The following PPP3CA variants were observed in gnomAD, a reference collection of about 807,000 sequenced individuals.
PPP3CA encodes the protein CAM-PRP catalytic subunit.
PPP3CA carries 14 observed loss-of-function variants against 66.5 expected under a neutral mutation model. The observed-to-expected ratio is 0.21, with a 90% CI of 0.14 to 0.33. The LOEUF (loss-of-function observed/expected upper bound fraction) is 0.33, where lower values mean the gene tolerates loss of function less well. Ranked by LOEUF, PPP3CA falls within the 10% of genes least tolerant of loss-of-function variation. The pLI, the probability that PPP3CA is intolerant of heterozygous loss-of-function variation, is 1.00. For synonymous variants in PPP3CA, 232 were observed against 226.2 expected (o/e 1.03, Z -0.23); for missense variants, 317 against 639.5 (o/e 0.50, Z 5.44).
chr4:101,108,860 G>T, intron 3 of PPP3CA, 94 bp downstream of exon 3: 2 of 1,214,002 alleles, frequency 1.6e-6, no homozygotes, highest in South Asian at 1.5e-5. Context: ...CATTGTTAGA[G>T]GTTTCCATAA....
At chr4:101,270,315 C>T (rs188665582) in intron 1 of PPP3CA, among the ~76,000 whole-genome samples, 2 of 152,020 alleles carry the variant, frequency 1.3e-5, no homozygotes, top group Non-Finnish European at 2.9e-5. Flanking sequence ...ATATGTGTCT[C>T]AATCTATTAC....
intron 8 of PPP3CA, among the ~76,000 whole-genome samples, chr4:101,073,825 A>T (rs1002367219): frequency 6.6e-6 from 1 of 152,210 alleles, no homozygotes; most frequent in African/African-American, 2.4e-5. Context: ...AAACAAAAAT[A>T]AAAAAGTAAA....
intron 1 of PPP3CA, among the ~76,000 whole-genome samples, chr4:101,309,782 C>A (rs772744028): frequency 2.6e-5 from 4 of 152,138 alleles, no homozygotes; most frequent in Non-Finnish European, 4.4e-5. Context: ...AGACACTGTT[C>A]TCTAACGTGT....
At chr4:101,178,339 A>G (rs1236019252) in intron 2 of PPP3CA, among the ~76,000 whole-genome samples, 1 of 152,152 alleles carries the variant, frequency 6.6e-6, no homozygotes, top group Non-Finnish European at 1.5e-5. Context: ...TTTATTTGTC[A>G]GTAGCATGAT....
Position 101,032,319 on chromosome 4 carries a change from A to C in PPP3CA, c.1287T>G (p.Thr429=). The C allele has an allele frequency of 6.2e-7, 1 of 1,612,680 alleles. No homozygotes were observed. Among genetic ancestry groups the C allele is most frequent in the African/African-American group, 1.3e-5 (1 of 74,982 alleles). ...SVLTLKGLTP[T]GMLPSGVLSG... is the part of the protein sequence containing the mutation. ...AAAGTACTCCGCTGGGGAGCATGCC[A>C]GTTGGGGTCAAGCCTTTCAGCGTCA... Residue 429 remains threonine (T), a synonymous_variant, in exon 12 of 14, where the codon ACT becomes ACG. Transcript: ENST00000394854.
chr4:101,098,036 A>G (rs1231142912), intron 5 of PPP3CA, among the ~76,000 whole-genome samples: 3 of 152,248 alleles, frequency 2.0e-5, no homozygotes, highest in Non-Finnish European at 2.9e-5. Context: ...CATTTCTAGC[A>G]TAACACATCA....
intron 2 of PPP3CA, among the ~76,000 whole-genome samples, chr4:101,140,189 A>G (rs1295281629): frequency 6.6e-6 from 1 of 152,216 alleles, no homozygotes; most frequent in East Asian, 1.9e-4. Flanking sequence ...CCTAAAGGAG[A>G]TTACTTGTGA....
At chr4:101,191,975 T>A (rs1268558864) in intron 2 of PPP3CA, among the ~76,000 whole-genome samples, 2 of 152,166 alleles carry the variant, frequency 1.3e-5, no homozygotes, top group Non-Finnish European at 2.9e-5. Flanking sequence ...CTATCCCCTC[T>A]GCCCAGAGAG....
chr4:101,161,307 A>G (rs1298370676), intron 2 of PPP3CA, among the ~76,000 whole-genome samples: 1 of 152,196 alleles, frequency 6.6e-6, no homozygotes, highest in Non-Finnish European at 1.5e-5. Context: ...GTTGTTAAGC[A>G]AAGTGTGACT....
chr4:101,193,605 A>T (rs925181542), intron 2 of PPP3CA, among the ~76,000 whole-genome samples: 2 of 151,968 alleles, frequency 1.3e-5, no homozygotes, highest in Non-Finnish European at 2.9e-5. Context: ...GCAAGTCCAC[A>T]CTCCTTTACT....
chr4:101,346,508 C>A (rs900383816), intron 1 of PPP3CA, among the ~76,000 whole-genome samples: 2 of 152,070 alleles, frequency 1.3e-5, no homozygotes, highest in South Asian at 4.1e-4. Context: ...AACTGACGCC[C>A]CCGTCAATAA....
intron 6 of PPP3CA, 74 bp from the exon 7 acceptor site, chr4:101,083,337 C>T: frequency 7.9e-7 from 1 of 1,268,174 alleles, no homozygotes; most frequent in Admixed American, 1.8e-5. Context: ...CTCTAACATC[C>T]AGATCTATGT....
intron 1 of PPP3CA, among the ~76,000 whole-genome samples, chr4:101,245,480 G>C (rs553528826): frequency 6.6e-6 from 1 of 152,124 alleles, no homozygotes; most frequent in South Asian, 2.1e-4. Flanking sequence ...TCATTTGTTT[G>C]TTTGAAAAGG....
chr4:101,054,466 G>T (rs1339827306), intron 10 of PPP3CA, among the ~76,000 whole-genome samples: 1 of 151,982 alleles, frequency 6.6e-6, no homozygotes, highest in Non-Finnish European at 1.5e-5. Flanking sequence ...TTCTACAAAG[G>T]AATTACTAGT....
chr4:101,216,288 T>C (rs1725451146), intron 1 of PPP3CA, among the ~76,000 whole-genome samples: 1 of 152,312 alleles, frequency 6.6e-6, no homozygotes, highest in Non-Finnish European at 1.5e-5. Context: ...CATAATTTCC[T>C]TCTCATTTGC....
intron 1 of PPP3CA, among the ~76,000 whole-genome samples, chr4:101,235,857 C>T (rs576045104): frequency 2.6e-5 from 4 of 151,662 alleles, no homozygotes; most frequent in Non-Finnish European, 4.4e-5. Flanking sequence ...GTATAAGGGC[C>T]CATATGACTT....
At chr4:101,103,982 T>C (rs976334551) in intron 3 of PPP3CA, among the ~76,000 whole-genome samples, 6 of 152,204 alleles carry the variant, frequency 3.9e-5, no homozygotes, top group African/African-American at 1.4e-4. Flanking sequence ...GCTTGTCTTA[T>C]TTGGGCTAAC....
intron 1 of PPP3CA, among the ~76,000 whole-genome samples, chr4:101,299,106 GTTTT>G (rs556244769): frequency 9.4e-5 from 8 of 85,530 alleles, no homozygotes; most frequent in East Asian, 3.2e-4. Flanking sequence ...GCCATATATC[GTTTT>G]TTTTTTTTTT....
chr4:101,080,388 T>C (rs1396722364), intron 8 of PPP3CA, 144 bp downstream of exon 8: 1 of 376,938 alleles, frequency 2.7e-6, no homozygotes, highest in Non-Finnish European at 4.7e-6. Context: ...TTGAGGATAA[T>C]CACAAAGTAT....
Sources: allele counts gnomAD v4.1 joint callset (sites outside exome capture counted in the v4.1 genomes callset), GRCh38; gene constraint gnomAD v4.1.1; transcripts MANE v1.5; gene names NCBI Gene and HGNC (gene_info 2026-07-23, HGNC 2026-07-21).